The following TAS1R3 variants were observed in gnomAD, a reference collection of about 807,000 sequenced individuals.
TAS1R3 encodes the protein taste 1 receptor member 3.
In TAS1R3, 58 loss-of-function variants were observed where a neutral mutation model predicts 46.1. The ratio of observed to expected loss-of-function variants is 1.26; its 90% confidence interval spans 1.02 to 1.57. The LOEUF (loss-of-function observed/expected upper bound fraction) is 1.57, where lower values mean the gene tolerates loss of function less well. TAS1R3 is among the 40% of genes most tolerant of loss of function. The pLI is 0.00. For synonymous variants in TAS1R3, 724 were observed against 544.7 expected, an observed-to-expected ratio of 1.33 and a Z score of -4.58; for missense variants, 1,422 against 1,185.8, an observed-to-expected ratio of 1.20 and a Z score of -2.93.
chr1:1,331,445 G>T lies in TAS1R3; in HGVS notation c.100G>T (p.Asp34Tyr), dbSNP rs760321025. 1.9e-6 allele frequency: 3 copies of T among 1,604,656 alleles called. No individual in the cohort carries two copies. The highest frequency in any genetic ancestry group is 1.7e-6 in the Non-Finnish European group (2 of 1,177,328). The change falls in exon 1 of 6, where the codon GAC becomes TAC. Residue 34 changes from aspartate (D) to tyrosine (Y), a missense_variant. By Grantham distance (160) the Asp-to-Tyr change is radical. Transcript: ENST00000339381. The part of the protein sequence containing the change: ...CLSQQLRMKG[D>Y]YVLGGLFPLG... ...GTCACAGCAACTTAGGATGAAGGGGGACTACGTGCTGGGGGGGCTGTTCCC... is the reference window on the plus strand; with the variant it reads ...GTCACAGCAACTTAGGATGAAGGGGTACTACGTGCTGGGGGGGCTGTTCCC...
At position 1,334,948 on chromosome 1, in the gene TAS1R3, T is replaced by C. The variant is rs1054640657; in HGVS notation, c.*484T>C. 2 of 158,284 alleles carry C rather than the reference T, an allele frequency of 1.3e-5. No homozygotes were observed. Among genetic ancestry groups the C allele is most frequent in the African/African-American group, 4.8e-5 (2 of 41,484 alleles). The allele number at this position is 158,284 out of a possible 1,614,324, so 9.8% of individuals were successfully genotyped here. ...ATGCCCAGGGCAGAGCCCGCCGAGG[T>C]AGGGGTGGCACCCAGCTTCCTACTC... On this transcript the variant is annotated 3_prime_UTR_variant, in exon 6 of 6. Transcript: ENST00000339381.
chr1:1,331,851 G>T lies in TAS1R3; in HGVS notation c.405G>T (p.Gln135His). ...IAAYCNYTQY[Q>H]PRVLAVIGPH... is the part of the protein sequence containing the mutation. ...CCTACTGCAACTACACGCAGTACCAGCCCCGTGTGCTGGCTGTCATCGGGC... is the reference window on the plus strand; with the variant it reads ...CCTACTGCAACTACACGCAGTACCATCCCCGTGTGCTGGCTGTCATCGGGC... The change falls in exon 2 of 6, where the codon CAG (glutamine) becomes CAT (histidine). Residue 135 changes from glutamine to histidine, a missense_variant. Coordinates refer to ENST00000339381, the MANE Select transcript of TAS1R3 (RefSeq NM_152228.3). The T allele has an allele frequency of 6.2e-7, 1 of 1,612,900 alleles. No individual in the cohort carries two copies. Among genetic ancestry groups the T allele is most frequent in the Non-Finnish European group, 8.5e-7 (1 of 1,180,024 alleles).
chr1:1,332,685 TA>T lies in TAS1R3; in HGVS notation c.1157del (p.Asn386IlefsTer36), dbSNP rs916988159. The T allele has an allele frequency of 1.2e-6, 2 of 1,605,020 alleles. No homozygotes were observed. The highest frequency in any genetic ancestry group is 1.7e-5 in the Admixed American group (1 of 59,894). ...CITLQNVSAG[L>X]NHHQTFSVYA... The stretch of plus-strand genomic sequence containing the variant: ...ACGCTGCAGAACGTGAGCGCAGGGC[TA>T]AATCACCACCAGACGTTCTCTGTCT... On this transcript the variant is annotated frameshift_variant, in exon 3 of 6. Coordinates refer to ENST00000339381, the MANE Select transcript of TAS1R3 (RefSeq NM_152228.3). LOFTEE classifies it high-confidence loss of function.
Position 1,334,163 on chromosome 1 carries a change from G to C in TAS1R3, c.2258G>C (p.Ser753Thr). 2 of 1,587,446 alleles carry C rather than the reference G, an allele frequency of 1.3e-6. No homozygotes were observed. The highest frequency in any genetic ancestry group is 2.3e-5 in the East Asian group (1 of 43,578). Reference protein sequence around the residue: ...LCFLGTFLVRSQPGCYNRARG... With the variant: ...LCFLGTFLVRTQPGCYNRARG... ...TTCCTGGGCACTTTCCTGGTGCGGA[G>C]CCAGCCGGGCTGCTACAACCGTGCC... Residue 753 changes from serine (S) to threonine (T), a missense_variant, in exon 6 of 6, where the codon AGC becomes ACC. Physicochemically the swap from Ser to Thr is moderately conservative, Grantham distance 58 (BLOSUM62 1). Transcript: ENST00000339381.
At position 1,332,134 on chromosome 1, in the gene TAS1R3, G is replaced by C. The variant is rs756997734; in HGVS notation, c.603G>C (p.Leu201=). The change falls in exon 3 of 6, where the codon CTG becomes CTC. Residue 201 remains leucine, a synonymous_variant. Coordinates refer to ENST00000339381, the MANE Select transcript of TAS1R3 (RefSeq NM_152228.3). ...AGCTGACGGCCGCCGCGGAGCTGCTGCAGGAGTTCGGCTGGAACTGGGTGG... is the reference window on the plus strand; with the variant it reads ...AGCTGACGGCCGCCGCGGAGCTGCTCCAGGAGTTCGGCTGGAACTGGGTGG... The part of the protein sequence containing the change: ...RVQLTAAAEL[L]QEFGWNWVAA... 6.3e-7 allele frequency: 1 copy of C among 1,599,116 alleles called. No homozygotes were observed. Among genetic ancestry groups the C allele is most frequent in the Non-Finnish European group, 8.5e-7 (1 of 1,179,638 alleles).
In TAS1R3 at chr1:1,331,941, G is replaced by A. The variant is rs1249796353; in HGVS notation, c.492+3G>A. The A allele has an allele frequency of 6.2e-7, 1 of 1,601,394 alleles. No homozygotes were observed. The highest frequency in any genetic ancestry group is 8.5e-7 in the Non-Finnish European group (1 of 1,177,902). On this transcript the variant is annotated splice_donor_region_variant and intron_variant, in intron 2 of 5. Coordinates refer to ENST00000339381, the MANE Select transcript of TAS1R3 (RefSeq NM_152228.3). ...TCAGCTTCTTCCTCATGCCCCAGGT[G>A]GGCGCCCCCCACCATCACCCACCCC...
Position 1,334,515 on chromosome 1 carries a change from C to G in TAS1R3, c.*51C>G. On this transcript the variant is annotated 3_prime_UTR_variant, in exon 6 of 6. Coordinates refer to ENST00000339381, the MANE Select transcript of TAS1R3 (RefSeq NM_152228.3). ...TGAACCCAGACTTAGCTGCGATCCC[C>G]CCCAAGCCAGCAATGACCCGTGTCT... 1 of 1,446,990 alleles carries G rather than the reference C, an allele frequency of 6.9e-7. No homozygotes were observed. The highest frequency in any genetic ancestry group is 9.1e-7 in the Non-Finnish European group (1 of 1,099,408). 89.6% of individuals were successfully genotyped at this position (1,446,990 alleles called of 1,614,324 possible). A position where few individuals can be genotyped will look rare whatever the true frequency, so the allele number is the denominator to read the frequency against.
Position 1,331,945 on chromosome 1 carries a change from G to A in TAS1R3, c.492+7G>A, listed in dbSNP as rs372504684. 77 of 1,606,912 alleles carry A rather than the reference G, an allele frequency of 4.8e-5. No homozygotes were observed. The highest frequency in any genetic ancestry group is 1.8e-4 in the African/African-American group (13 of 73,422). On this transcript the variant is annotated splice_region_variant and intron_variant, in intron 2 of 5. Coordinates refer to ENST00000339381, the MANE Select transcript of TAS1R3 (RefSeq NM_152228.3). ...CTTCTTCCTCATGCCCCAGGTGGGC[G>A]CCCCCCACCATCACCCACCCCCACC...
chr1:1,334,787 A>T lies in TAS1R3; in HGVS notation c.*323A>T, dbSNP rs1569660894. On this transcript the variant is annotated 3_prime_UTR_variant, in exon 6 of 6. Transcript: ENST00000339381. ...CCCACACCGTGAGCTCAGGAAAAGG[A>T]CGCAGGGAGGCCCCGGCCAGATGGC... 1 of 276,162 alleles carries T rather than the reference A, an allele frequency of 3.6e-6. No homozygotes were observed. The highest frequency in any genetic ancestry group is 6.8e-5 in the East Asian group (1 of 14,694). 17.1% of individuals were successfully genotyped at this position (276,162 alleles called of 1,614,324 possible). A position where few individuals can be genotyped will look rare whatever the true frequency, so the allele number is the denominator to read the frequency against.
Position 1,334,218 on chromosome 1 carries a change from C to G in TAS1R3, c.2313C>G (p.Tyr771Ter). 1.2e-6 allele frequency: 2 copies of G among 1,609,384 alleles called. No homozygotes were observed. Among genetic ancestry groups the G allele is most frequent in the Non-Finnish European group, 1.7e-6 (2 of 1,178,492 alleles). Residue 771 changes from tyrosine (Y) to a stop codon, truncating the protein, a stop_gained, in exon 6 of 6, where the codon TAC becomes TAG. Coordinates refer to ENST00000339381, the MANE Select transcript of TAS1R3 (RefSeq NM_152228.3). LOFTEE classifies it low-confidence loss of function (END_TRUNC). ...GCCTCACCTTTGCCATGCTGGCCTA[C>G]TTCATCACCTGGGTCTCCTTTGTGC... ...ARGLTFAMLAYFITWVSFVPL... is the reference protein window; with the variant it reads ...ARGLTFAMLA
At position 1,331,330 on chromosome 1, in the gene TAS1R3, G is replaced by A; in HGVS notation, c.-16G>A. 6.4e-7 allele frequency: 1 copy of A among 1,555,900 alleles called. No homozygotes were observed. The highest frequency in any genetic ancestry group is 8.7e-7 in the Non-Finnish European group (1 of 1,152,650). On this transcript the variant is annotated 5_prime_UTR_variant, in exon 1 of 6. Coordinates refer to ENST00000339381, the MANE Select transcript of TAS1R3 (RefSeq NM_152228.3). ...GGGGCAGCCACCTGCCGTGCCTGTT[G>A]GAAGTTGCCTCTGCCATGCTGGGCC...
At chr1:1,331,617 T>C in intron 1 of TAS1R3, 21 bp from the exon 2 acceptor site, 1 of 1,607,182 alleles carries the variant, frequency 6.2e-7, no homozygotes, top group Non-Finnish European at 8.5e-7. Context: ...GGTGGCCATC[T>C]GCGGTTCTGT....
At chr1:1,333,409 G>A in intron 5 of TAS1R3, 30 bp downstream of exon 5, 1 of 1,610,852 alleles carries the variant, frequency 6.2e-7, no homozygotes, top group Non-Finnish European at 8.5e-7. Flanking sequence ...GGCGGGGGTG[G>A]GAACGCAGCA....
rs779608337 is a variant in TAS1R3 at position 1,332,726 on chromosome 1, A to G, written c.1195A>G (p.Ser399Gly). 1.3e-5 allele frequency: 21 copies of G among 1,604,400 alleles called. No homozygotes were observed. The highest frequency in any genetic ancestry group is 1.8e-5 in the Non-Finnish European group (21 of 1,179,880). ...QTFSVYAAVY[S>G]VAQALHNTLQ... Reference sequence around the variant, plus strand: ...GTTCTCTGTCTACGCAGCTGTGTATAGCGTGGCCCAGGCCCTGCACAACAC... The same window carrying G: ...GTTCTCTGTCTACGCAGCTGTGTATGGCGTGGCCCAGGCCCTGCACAACAC... Residue 399 changes from serine to glycine, a missense_variant, in exon 3 of 6, where the codon AGC becomes GGC. Transcript: ENST00000339381.
chr1:1,334,032 G>A lies in TAS1R3; in HGVS notation c.2127G>A (p.Thr709=), dbSNP rs771973846. 4.4e-5 allele frequency: 71 copies of A among 1,601,470 alleles called. No individual in the cohort carries two copies. Among genetic ancestry groups the A allele is most frequent in the African/African-American group, 5.3e-5 (4 of 74,892 alleles). The change falls in exon 6 of 6, where the codon ACG becomes ACA. Residue 709 remains threonine, a synonymous_variant. Transcript: ENST00000339381. ...YLVAFPPEVV[T]DWHMLPTEAL... ...TGGCCTTCCCGCCGGAGGTGGTGAC[G>A]GACTGGCACATGCTGCCCACGGAGG...
chr1:1,332,970 T>C lies in TAS1R3; in HGVS notation c.1325T>C (p.Leu442Pro), dbSNP rs769734726. 4 of 1,612,280 alleles carry C rather than the reference T, an allele frequency of 2.5e-6. No homozygotes were observed. The Admixed American group carries it at 6.7e-5, about 27-fold the overall frequency. The part of the protein sequence containing the change: ...NLTFHVGGLP[L>P]RFDSSGNVDM... ...ACCTTCCACGTGGGCGGGCTGCCGC[T>C]GCGGTTCGACAGCAGCGGAAACGTG... is the stretch of plus-strand genomic sequence containing the variant. The change falls in exon 4 of 6, where the codon CTG becomes CCG. Residue 442 changes from leucine to proline, a missense_variant. Physicochemically the swap from Leu to Pro is moderately conservative, Grantham distance 98. Coordinates refer to ENST00000339381, the MANE Select transcript of TAS1R3 (RefSeq NM_152228.3).
Position 1,333,398 on chromosome 1 carries a change from A to G in TAS1R3, c.1600+19A>G. Reference sequence around the variant, plus strand: ...AACCCAGGTGAGCCGCCTTCCCGGCAGGCGGGGGTGGGAACGCAGCAGGGG... The same window carrying G: ...AACCCAGGTGAGCCGCCTTCCCGGCGGGCGGGGGTGGGAACGCAGCAGGGG... On this transcript the variant is annotated intron_variant, in intron 5 of 5. Coordinates refer to ENST00000339381, the MANE Select transcript of TAS1R3 (RefSeq NM_152228.3). 6.2e-7 allele frequency: 1 copy of G among 1,611,488 alleles called. No homozygotes were observed.
At position 1,332,120 on chromosome 1, in the gene TAS1R3, G is replaced by A. The variant is rs368284939; in HGVS notation, c.589G>A (p.Ala197Thr). The A allele has an allele frequency of 2.6e-5, 41 of 1,599,536 alleles. 1 individual carries two copies. The highest frequency in any genetic ancestry group is 1.6e-4 in the Middle Eastern group (1 of 6,082). ...CAGCGACCGTGTGCAGCTGACGGCC[G>A]CCGCGGAGCTGCTGCAGGAGTTCGG... ...VPSDRVQLTA[A>T]AELLQEFGWN... The change falls in exon 3 of 6, where the codon GCC becomes ACC. Residue 197 changes from alanine (A) to threonine (T), a missense_variant. Ala to Thr is a moderately conservative substitution (Grantham distance 58). Coordinates refer to ENST00000339381, the MANE Select transcript of TAS1R3 (RefSeq NM_152228.3).
rs370751146 is a variant in TAS1R3 at position 1,333,879 on chromosome 1, C to A, written c.1974C>A (p.Ile658=). ...LSTLFLQAAE[I]FVESELPLSW... ...CACTCTTCCTGCAGGCGGCCGAGAT[C>A]TTCGTGGAGTCAGAACTGCCTCTGA... Residue 658 remains isoleucine (I), a synonymous_variant, in exon 6 of 6, where the codon ATC becomes ATA. Coordinates refer to ENST00000339381, the MANE Select transcript of TAS1R3 (RefSeq NM_152228.3). The A allele has an allele frequency of 1.2e-6, 2 of 1,600,364 alleles. No individual in the cohort carries two copies. Among genetic ancestry groups the A allele is most frequent in the Non-Finnish European group, 1.7e-6 (2 of 1,179,834 alleles).
Sources: allele counts gnomAD v4.1 joint callset, GRCh38; gene constraint gnomAD v4.1.1; transcripts MANE v1.5; gene names NCBI Gene and HGNC (gene_info 2026-07-23, HGNC 2026-07-21).